Variants in CDH4 observed in about 807,000 individuals in gnomAD.
CDH4 encodes the protein cadherin-4.
Under a neutral mutation model 86.0 loss-of-function variants are expected in CDH4, and 33 were observed. The ratio of observed to expected loss-of-function variants is 0.38; its 90% CI spans 0.29 to 0.51. CDH4 has a LOEUF of 0.51. Among genes scored for constraint, CDH4 ranks in the 20% least tolerant of loss-of-function variants. The pLI, the probability that CDH4 is intolerant of heterozygous loss-of-function variation, is 0.86. For missense variants in CDH4, 1,114 were observed against 1,307.4 expected, an observed-to-expected ratio of 0.85 and a Z score of 2.28; for synonymous variants, 555 against 549.4, an observed-to-expected ratio of 1.01 and a Z score of -0.14.
intron 2 of CDH4, among the ~76,000 whole-genome samples, chr20:61,590,880 G>GGA (rs1568700979): frequency 5.0e-5 from 7 of 139,646 alleles, no homozygotes; most frequent in South Asian, 2.1e-4. Context: ...AATCTATGGG[G>GGA]GGGGGGGTCC....
intron 6 of CDH4, among the ~76,000 whole-genome samples, chr20:61,872,029 AGGT>A (rs1983826605): frequency 6.9e-6 from 1 of 144,622 alleles, no homozygotes; most frequent in African/African-American, 2.5e-5. Flanking sequence ...AGGGAGGGCG[AGGT>A]GGGGGAGGGG....
chr20:61,595,625 C>A (rs1026522445), intron 2 of CDH4, among the ~76,000 whole-genome samples: 1 of 152,160 alleles, frequency 6.6e-6, no homozygotes, highest in Non-Finnish European at 1.5e-5. Context: ...TTTGTTGATT[C>A]TTCTGTAGTC....
At chr20:61,341,145 T>C (rs916315362) in intron 2 of CDH4, among the ~76,000 whole-genome samples, 1 of 152,190 alleles carries the variant, frequency 6.6e-6, no homozygotes, top group Non-Finnish European at 1.5e-5. Context: ...AGTGCAAGCA[T>C]GAGATAAACA....
At chr20:61,431,505 G>T (rs1245477201) in intron 2 of CDH4, among the ~76,000 whole-genome samples, 5 of 151,776 alleles carry the variant, frequency 3.3e-5, no homozygotes, top group Non-Finnish European at 7.4e-5. Context: ...TACTACGAGT[G>T]CATGCCACCA....
intron 8 of CDH4, among the ~76,000 whole-genome samples, chr20:61,905,338 C>G (rs1212206664): frequency 6.6e-6 from 1 of 152,246 alleles, no homozygotes; most frequent in African/African-American, 2.4e-5. Context: ...ATAAACTTCA[C>G]TCAGAAGTCT....
intron 2 of CDH4, among the ~76,000 whole-genome samples, chr20:61,336,099 T>G (rs1395048925): frequency 6.6e-6 from 1 of 152,132 alleles, no homozygotes; most frequent in Non-Finnish European, 1.5e-5. Context: ...AGGAGATGCA[T>G]TCTCATCAGC....
intron 2 of CDH4, among the ~76,000 whole-genome samples, chr20:61,320,334 T>G (rs975691584): frequency 3.3e-5 from 5 of 152,156 alleles, no homozygotes; most frequent in Non-Finnish European, 7.3e-5. Flanking sequence ...TCAGACCCAG[T>G]GCTAGGCACA....
chr20:61,778,248 G>A (rs139260329), intron 4 of CDH4, among the ~76,000 whole-genome samples: 20 of 152,316 alleles, frequency 1.3e-4, no homozygotes, highest in African/African-American at 4.3e-4. Context: ...AGACGGTGGT[G>A]AATGCAGCCT....
chr20:61,806,228 G>A (rs767261761), intron 4 of CDH4, among the ~76,000 whole-genome samples: 4 of 152,218 alleles, frequency 2.6e-5, no homozygotes, highest in African/African-American at 4.8e-5. Flanking sequence ...AGAGCCAGGC[G>A]TCGTGGCCTG....
At chr20:61,461,081 T>A (rs2085439274) in intron 2 of CDH4, among the ~76,000 whole-genome samples, 1 of 152,132 alleles carries the variant, frequency 6.6e-6, no homozygotes, top group African/African-American at 2.4e-5. Flanking sequence ...GTTGCATTTG[T>A]AGAAACACTG....
intron 2 of CDH4, among the ~76,000 whole-genome samples, chr20:61,634,195 C>T (rs566063107): frequency 2.6e-5 from 4 of 152,334 alleles, no homozygotes; most frequent in African/African-American, 4.8e-5. Context: ...CAGCTCAGGG[C>T]ATGGGCCACC....
At chr20:61,497,881 A>G (rs529382337) in intron 2 of CDH4, among the ~76,000 whole-genome samples, 1 of 152,286 alleles carries the variant, frequency 6.6e-6, no homozygotes, top group South Asian at 2.1e-4. Context: ...TCAGCCATAA[A>G]AAAGGATGCG....
chr20:61,601,655 A>G (rs1374107706), intron 2 of CDH4, among the ~76,000 whole-genome samples: 1 of 152,160 alleles, frequency 6.6e-6, no homozygotes, highest in East Asian at 1.9e-4. Flanking sequence ...GGGAAGGCAG[A>G]GACTGGGCCC....
chr20:61,872,826 C>T (rs776058588), intron 6 of CDH4, among the ~76,000 whole-genome samples: 1 of 152,216 alleles, frequency 6.6e-6, no homozygotes, highest in South Asian at 2.1e-4. Context: ...GGGCCTCCAC[C>T]GGGTACAGCG....
intron 2 of CDH4, among the ~76,000 whole-genome samples, chr20:61,479,597 A>G (rs1363279892): frequency 6.6e-6 from 1 of 152,238 alleles, no homozygotes; most frequent in Non-Finnish European, 1.5e-5. Flanking sequence ...TGTGGCACAT[A>G]TATACCATGG....
rs2055252491 is a variant in CDH4, at chr20:61,940,560, T to C, written c.*3617T>C. The C allele has an allele frequency of 6.6e-6, 1 of 152,208 alleles. No individual in the cohort carries two copies. Among genetic ancestry groups the C allele is most frequent in the Non-Finnish European group, 1.5e-5 (1 of 68,058 alleles). The allele number at this position is 152,208 out of a possible 1,614,324, so 9.4% of individuals were successfully genotyped here. On this transcript the variant is annotated 3_prime_UTR_variant, in exon 16 of 16. Transcript: ENST00000614565. Reference sequence around the variant, plus strand: ...TCAGTAGACCCTTGCGGAGCGGTTGTGCGCGGGCAGGCGGGGCGCGCTGCT... The same window carrying C: ...TCAGTAGACCCTTGCGGAGCGGTTGCGCGCGGGCAGGCGGGGCGCGCTGCT...
intron 4 of CDH4, among the ~76,000 whole-genome samples, chr20:61,787,628 G>A (rs78986931): frequency 0.054 from 8,263 of 152,220 alleles, 713 homozygotes; most frequent in African/African-American, 0.19. Flanking sequence ...GGAACAGATG[G>A]AACAGTCCAG....
At chr20:61,438,414 T>C (rs1244748358) in intron 2 of CDH4, among the ~76,000 whole-genome samples, 1 of 152,202 alleles carries the variant, frequency 6.6e-6, no homozygotes, top group Non-Finnish European at 1.5e-5. Flanking sequence ...ATAGTGTGTG[T>C]TTTGTTCTCC....
At chr20:61,493,530 TC>T (rs1301878609) in intron 2 of CDH4, among the ~76,000 whole-genome samples, 1 of 152,240 alleles carries the variant, frequency 6.6e-6, no homozygotes, top group Non-Finnish European at 1.5e-5. Context: ...CGTGTGCCAT[TC>T]CGGCTCTTCT....
Sources: allele counts gnomAD v4.1 joint callset (sites outside exome capture counted in the v4.1 genomes callset), GRCh38; gene constraint gnomAD v4.1.1; transcripts MANE v1.5; gene names NCBI Gene and HGNC (gene_info 2026-07-23, HGNC 2026-07-21).